The following DENND1A variants were observed in gnomAD, a reference collection of about 807,000 sequenced individuals.
The protein encoded by DENND1A is DENN domain-containing protein 1A.
DENND1A carries 51 observed loss-of-function variants against 113.7 expected under a neutral mutation model. The ratio of observed to expected loss-of-function variants is 0.45; its 90% confidence interval spans 0.36 to 0.57. The LOEUF (loss-of-function observed/expected upper bound fraction) is 0.57. DENND1A is among the 20% of genes least tolerant of loss of function. The probability of loss-of-function intolerance (pLI) is 0.00; values close to 1 mark genes in which losing one functional copy is unlikely to be tolerated. For synonymous variants in DENND1A, 565 were observed against 570.8 expected (o/e 0.99, Z 0.14); for missense variants, 1,258 against 1,395.9 (o/e 0.90, Z 1.57).
chr9:123,599,290 G>C (rs2059839170), intron 11 of DENND1A, among the ~76,000 whole-genome samples: 1 of 152,182 alleles, frequency 6.6e-6, no homozygotes, highest in South Asian at 2.1e-4. Context: ...GAGATCTATA[G>C]ACTCCATTTT....
At chr9:123,516,918 A>AAAAAAAAC in intron 13 of DENND1A, among the ~76,000 whole-genome samples, 1 of 142,554 alleles carries the variant, frequency 7.0e-6, no homozygotes, top group African/African-American at 2.6e-5. Context: ...AAAAAAAAAA[A>AAAAAAAAC]AGAACGGACA....
chr9:123,505,616 C>G (rs916555716), intron 13 of DENND1A, among the ~76,000 whole-genome samples: 1 of 152,130 alleles, frequency 6.6e-6, no homozygotes, highest in African/African-American at 2.4e-5. Flanking sequence ...GGAATGAAAT[C>G]TTTATTTTAA....
chr9:123,466,525 G>A (rs1315982134), intron 13 of DENND1A, among the ~76,000 whole-genome samples: 3 of 152,026 alleles, frequency 2.0e-5, no homozygotes, highest in African/African-American at 7.2e-5. Context: ...GTCTCAAACT[G>A]ACCTCAAGTG....
rs1425130791 is a variant in DENND1A at position 123,379,902 on chromosome 9, C to T, written c.*1530G>A. On this transcript the variant is annotated 3_prime_UTR_variant, in exon 24 of 24. Transcript: ENST00000394215. ...GAAACTGGAATCTATGCTGAAACAC[C>T]TAAGTGCCCAGGAGGTGCCCCCATG... 2.0e-5 allele frequency: 3 copies of T among 152,350 alleles called. No individual in the cohort carries two copies. The highest frequency in any genetic ancestry group is 1.9e-4 in the East Asian group (1 of 5,186). 9.4% of individuals were successfully genotyped at this position (152,350 alleles called of 1,614,324 possible).
At chr9:123,586,472 T>C (rs942434461) in intron 11 of DENND1A, among the ~76,000 whole-genome samples, 1 of 152,220 alleles carries the variant, frequency 6.6e-6, no homozygotes, top group Non-Finnish European at 1.5e-5. Flanking sequence ...GGAAAAAACC[T>C]GGCCCCTTTT....
At chr9:123,614,332 G>C (rs2060546881) in intron 10 of DENND1A, among the ~76,000 whole-genome samples, 1 of 152,040 alleles carries the variant, frequency 6.6e-6, no homozygotes, top group African/African-American at 2.4e-5. Context: ...AGTCCTCTTG[G>C]TTCCAGGCCT....
chr9:123,718,346 G>C (rs1305952642), intron 5 of DENND1A, among the ~76,000 whole-genome samples: 1 of 152,160 alleles, frequency 6.6e-6, no homozygotes, highest in East Asian at 1.9e-4. Context: ...CCAAAAGAAG[G>C]TGTGCCATAA....
At chr9:123,837,164 G>C (rs1194688329) in intron 2 of DENND1A, among the ~76,000 whole-genome samples, 2 of 152,130 alleles carry the variant, frequency 1.3e-5, no homozygotes, top group Non-Finnish European at 2.9e-5. Flanking sequence ...CCCAACCGAG[G>C]ATAAAGCCTG....
chr9:123,918,213 G>A (rs757142513), intron 1 of DENND1A, among the ~76,000 whole-genome samples: 35 of 151,850 alleles, frequency 2.3e-4, no homozygotes, highest in Non-Finnish European at 4.7e-4. Flanking sequence ...GACAGGCCGG[G>A]CGTGGTGGCT....
intron 1 of DENND1A, among the ~76,000 whole-genome samples, chr9:123,887,508 G>A (rs577641752): frequency 6.6e-6 from 1 of 151,986 alleles, no homozygotes; most frequent in South Asian, 2.1e-4. Flanking sequence ...AGAATGAGGG[G>A]GTACCCATGT....
rs763526477 is a variant in DENND1A at position 123,387,841 on chromosome 9, C to T, written c.1649G>A (p.Arg550Gln). ...TTCGGAGAGGAAGACCGCATAGTGT[C>T]GCAAGGGCTTTACCAGGCTGGGGCA... Reference protein sequence around the residue: ...PSPEHLVKPLRHYAVFLSEDS... With the variant: ...PSPEHLVKPLQHYAVFLSEDS... The change falls in exon 22 of 24, where the codon CGA becomes CAA. Residue 550 changes from arginine (R) to glutamine (Q), a missense_variant. Physicochemically the swap from Arg to Gln is conservative, Grantham distance 43. Around this residue, in one of 2 missense-constraint regions of DENND1A, gnomAD observed 1,159 missense variants for 1,231.7 expected, o/e 0.94. Transcript: ENST00000394215. 245 of 1,289,834 alleles carry T rather than the reference C, an allele frequency of 1.9e-4. No homozygotes were observed. The highest frequency in any genetic ancestry group is 2.1e-4 in the Middle Eastern group (1 of 4,720). 79.9% of individuals were successfully genotyped at this position (1,289,834 alleles called of 1,614,324 possible). A position where few individuals can be genotyped will look rare whatever the true frequency, so the allele number is the denominator to read the frequency against.
chr9:123,859,359 G>C (rs1038681618), intron 2 of DENND1A, among the ~76,000 whole-genome samples: 1 of 150,454 alleles, frequency 6.6e-6, no homozygotes, highest in African/African-American at 2.5e-5. Flanking sequence ...ATTTGCATGG[G>C]GTTTACATTT....
intron 5 of DENND1A, among the ~76,000 whole-genome samples, chr9:123,749,148 C>G (rs977402270): frequency 6.6e-6 from 1 of 152,256 alleles, no homozygotes; most frequent in East Asian, 1.9e-4. Context: ...GGTTGGAGGT[C>G]AGAAGACTGT....
chr9:123,448,140 G>A (rs2047442489), intron 18 of DENND1A, among the ~76,000 whole-genome samples: 2 of 152,194 alleles, frequency 1.3e-5, no homozygotes, highest in African/African-American at 2.4e-5. Flanking sequence ...ATTATCTCCT[G>A]AAGCTATTCT....
At chr9:123,878,459 G>A (rs1311507413) in intron 2 of DENND1A, among the ~76,000 whole-genome samples, 3 of 152,168 alleles carry the variant, frequency 2.0e-5, no homozygotes, top group African/African-American at 7.2e-5. Flanking sequence ...TAAAGCCAGA[G>A]GAGGTGTTTC....
intron 5 of DENND1A, among the ~76,000 whole-genome samples, chr9:123,724,248 G>A (rs1432149606): frequency 1.3e-5 from 2 of 152,172 alleles, no homozygotes; most frequent in African/African-American, 2.4e-5. Context: ...AACTCGTTGA[G>A]GGAGGCTGAA....
At chr9:123,871,220 C>T (rs1846551000) in intron 2 of DENND1A, among the ~76,000 whole-genome samples, 1 of 151,980 alleles carries the variant, frequency 6.6e-6, no homozygotes, top group Admixed American at 6.6e-5. Flanking sequence ...GTAGCTAGGA[C>T]CACAGGCATG....
chr9:123,398,372 T>C (rs975012145), intron 21 of DENND1A, among the ~76,000 whole-genome samples: 1 of 152,092 alleles, frequency 6.6e-6, no homozygotes, highest in Non-Finnish European at 1.5e-5. Context: ...TGGCTTTTTT[T>C]TTTCTTTTTC....
chr9:123,450,093 C>T (rs1285388609), intron 18 of DENND1A, among the ~76,000 whole-genome samples: 2 of 149,316 alleles, frequency 1.3e-5, no homozygotes, highest in African/African-American at 5.0e-5. Context: ...TTAGCCAGGA[C>T]ATAGCTGGGA....
Sources: allele counts gnomAD v4.1 joint callset (sites outside exome capture counted in the v4.1 genomes callset), GRCh38; gene constraint gnomAD v4.1.1; regional missense constraint gnomAD v4.1.1; transcripts MANE v1.5; gene names NCBI Gene and HGNC (gene_info 2026-07-23, HGNC 2026-07-21).